The following ZNF273 variants were observed in gnomAD, a reference collection of about 807,000 sequenced individuals.
ZNF273 encodes the protein zinc finger protein 273, also known as zinc finger protein 9.
A neutral mutation model predicts 14.9 loss-of-function variants in ZNF273; 11 were observed. That is an observed-to-expected ratio of 0.74 (90% CI 0.46 to 1.22). The LOEUF is 1.22. Ranked by LOEUF, ZNF273 falls within the 50% of genes most tolerant of loss-of-function variation. The pLI is 0.00. For synonymous variants in ZNF273, 199 were observed against 223.9 expected, an observed-to-expected ratio of 0.89 and a Z score of 0.99; for missense variants, 577 against 660.6, an observed-to-expected ratio of 0.87 and a Z score of 1.39.
intron 1 of ZNF273, 74 bp from the exon 2 acceptor site, chr7:64,917,507 C>G (rs565250875): frequency 1.3e-6 from 2 of 1,548,588 alleles, no homozygotes; most frequent in Middle Eastern, 3.5e-4. Flanking sequence ...CTTTCGCATT[C>G]CACCTTGAGT....
chr7:64,895,367 T>C (rs1187062951), intron 3 of ZNF273, among the ~76,000 whole-genome samples: 3 of 152,216 alleles, frequency 2.0e-5, no homozygotes, highest in African/African-American at 4.8e-5. Context: ...TTGTCAAAGA[T>C]ATTTTTAATT....
chr7:64,888,397 G>A (rs1791740722), intron 1 of ZNF273: 4 of 985,668 alleles, frequency 4.1e-6, no homozygotes, highest in Non-Finnish European at 4.8e-6. Context: ...AGAGCGAGCT[G>A]TAAGGGAAGC....
chr7:64,880,465 G>A (rs1222454438), downstream of ZNF273, among the ~76,000 whole-genome samples: 1 of 152,024 alleles, frequency 6.6e-6, no homozygotes, highest in Non-Finnish European at 1.5e-5. Context: ...TGTTTCTGCG[G>A]GAGTGTTGGG....
rs539389745 is a variant in ZNF273 at position 64,928,989 on chromosome 7, C to G, written c.1661C>G (p.Thr554Ser). The G allele has an allele frequency of 6.3e-7, 1 of 1,579,322 alleles. No individual in the cohort carries two copies. Among genetic ancestry groups the G allele is most frequent in the African/African-American group, 1.4e-5 (1 of 73,344 alleles). Residue 554 changes from threonine (T) to serine (S), a missense_variant, in exon 4 of 4, where the codon ACC becomes AGC. Physicochemically the swap from Thr to Ser is moderately conservative, Grantham distance 58. Coordinates refer to ENST00000476120, the MANE Select transcript of ZNF273 (RefSeq NM_021148.3). ...AGATGTGACAGTGCTTTTGACAACA[C>G]CCCAAACTTTTCTAGACATAAAAGA... is the stretch of plus-strand genomic sequence containing the variant. ...PKRCDSAFDN[T>S]PNFSRHKRNH... is the part of the protein sequence containing the mutation.
intron 3 of ZNF273, among the ~76,000 whole-genome samples, chr7:64,925,335 T>G (rs1307398261): frequency 6.6e-6 from 1 of 152,184 alleles, no homozygotes; most frequent in Non-Finnish European, 1.5e-5. Flanking sequence ...CATACAGATA[T>G]TTTTTGGGGT....
chr7:64,881,928 G>T (rs564487919), downstream of ZNF273, among the ~76,000 whole-genome samples: 1 of 152,274 alleles, frequency 6.6e-6, no homozygotes, highest in South Asian at 2.1e-4. Context: ...TCTTGCAATC[G>T]CTGTAGACGG....
Position 64,928,663 on chromosome 7 carries a change from T to G in ZNF273, c.1335T>G (p.Leu445=). Residue 445 remains leucine (L), a synonymous_variant, in exon 4 of 4, where the codon CTT becomes CTG. Transcript: ENST00000476120. ...CGKAFSVFST[L]TKHKIIHTGA... ...AAGCCTTTAGTGTATTCTCAACCCT[T>G]ACTAAACATAAGATAATTCATACTG... 1 of 1,612,668 alleles carries G rather than the reference T, an allele frequency of 6.2e-7. No homozygotes were observed. The highest frequency in any genetic ancestry group is 8.5e-7 in the Non-Finnish European group (1 of 1,179,142).
chr7:64,910,446 CTT>C (rs1407354307), intron 1 of ZNF273, among the ~76,000 whole-genome samples: 1 of 152,150 alleles, frequency 6.6e-6, no homozygotes, highest in Non-Finnish European at 1.5e-5. Flanking sequence ...CCACATTCCT[CTT>C]GTCAGCTTTG....
At chr7:64,899,646 T>G (rs1015727397), upstream of ZNF273, among the ~76,000 whole-genome samples, 2 of 148,456 alleles carry the variant, frequency 1.3e-5, no homozygotes, top group African/African-American at 5.0e-5. Context: ...AAAATGAGAC[T>G]CCATCTCAAA....
intron 1 of ZNF273, 112 bp downstream of exon 1, chr7:64,903,531 G>T: frequency 2.7e-6 from 3 of 1,103,960 alleles, no homozygotes; most frequent in Non-Finnish European, 4.1e-6. Context: ...AAAATCCGCG[G>T]CCAGGAGTTC....
At chr7:64,917,430 T>G in intron 1 of ZNF273, 151 bp from the exon 2 acceptor site, 1 of 1,223,758 alleles carries the variant, frequency 8.2e-7, no homozygotes, top group Non-Finnish European at 1.1e-6. Context: ...TGAGAATATT[T>G]CTGTTTTGAA....
At chr7:64,926,701 A>G (rs879306023) in intron 3 of ZNF273, among the ~76,000 whole-genome samples, 4 of 152,200 alleles carry the variant, frequency 2.6e-5, no homozygotes, top group Non-Finnish European at 5.9e-5. Context: ...ACCCATCACA[A>G]TCTTTATAAC....
At chr7:64,885,957 G>C (rs898862715) in intron 1 of ZNF273, among the ~76,000 whole-genome samples, 3 of 152,112 alleles carry the variant, frequency 2.0e-5, no homozygotes, top group Non-Finnish European at 4.4e-5. Flanking sequence ...AATCACTCTG[G>C]CTTACCACTG....
Position 64,929,862 on chromosome 7 carries a change from G to T in ZNF273, c.*824G>T, listed in dbSNP as rs10266872. 60,304 of 134,452 alleles carry T rather than the reference G, an allele frequency of 0.45. 12,958 individuals are homozygous for T. The highest frequency in any genetic ancestry group is 0.54 in the Admixed American group (7,394 of 13,580). 8.3% of individuals were successfully genotyped at this position (134,452 alleles called of 1,614,324 possible). A position where few individuals can be genotyped will look rare whatever the true frequency, so the allele number is the denominator to read the frequency against. ...TTTTGGTTTTGGTTTTGGGTTTTTT[G>T]TTTGTTTGTTTGTTTGTTTTTGAGA... On this transcript the variant is annotated 3_prime_UTR_variant, in exon 4 of 4. Transcript: ENST00000476120.
chr7:64,889,556 C>T (rs1791839583), downstream of ZNF273: 1 of 985,788 alleles, frequency 1.0e-6, no homozygotes, highest in Non-Finnish European at 1.2e-6. This position sits in a 1 kb window ranked among gnomAD's most constrained non-coding sequence, Gnocchi z 4.2. Context: ...ACGGTCTCCT[C>T]TGACCTGAGA....
intron 1 of ZNF273, among the ~76,000 whole-genome samples, chr7:64,886,079 A>G (rs1162040224): frequency 6.6e-6 from 1 of 152,202 alleles, no homozygotes; most frequent in African/African-American, 2.4e-5. Flanking sequence ...ACTGATGCTG[A>G]CTAGGTACTC....
At chr7:64,910,602 T>C (rs1583988455) in intron 1 of ZNF273, among the ~76,000 whole-genome samples, 1 of 151,538 alleles carries the variant, frequency 6.6e-6, no homozygotes, top group African/African-American at 2.4e-5. Context: ...TAGTATAGTT[T>C]GAAGTCTGGT....
intron 3 of ZNF273, among the ~76,000 whole-genome samples, chr7:64,926,031 T>G (rs150106748): frequency 2.0e-4 from 28 of 139,312 alleles, no homozygotes; most frequent in Non-Finnish European, 3.2e-4. Context: ...TTCACCATCT[T>G]TGATATGTAG....
upstream of ZNF273, among the ~76,000 whole-genome samples, chr7:64,902,374 T>G (rs899412623): frequency 9.2e-5 from 14 of 152,178 alleles, no homozygotes; most frequent in Admixed American, 9.2e-4. Flanking sequence ...TTTTTTCCAT[T>G]TGTTAATAGC....
Sources: allele counts gnomAD v4.1 joint callset (sites outside exome capture counted in the v4.1 genomes callset), GRCh38; gene constraint gnomAD v4.1.1; non-coding constraint Gnocchi (gnomAD v3.1); transcripts MANE v1.5; gene names NCBI Gene and HGNC (gene_info 2026-07-23, HGNC 2026-07-21).